Variants in CDH12 observed in about 807,000 individuals in gnomAD.
CDH12 encodes the protein cadherin-12.
A neutral mutation model predicts 74.1 loss-of-function variants in CDH12; 41 were observed. The observed-to-expected ratio is 0.55, with a 90% CI of 0.43 to 0.72. The LOEUF is 0.72. Ranked by LOEUF, CDH12 falls within the 30% of genes least tolerant of loss-of-function variation. The pLI, the probability that CDH12 is intolerant of heterozygous loss-of-function variation, is 0.00. For synonymous variants in CDH12, 399 were observed against 355.0 expected, an observed-to-expected ratio of 1.12 and a Z score of -1.39; for missense variants, 945 against 977.2, an observed-to-expected ratio of 0.97 and a Z score of 0.44.
intron 1 of CDH12, among the ~76,000 whole-genome samples, chr5:22,641,455 A>T (rs532362573): frequency 1.3e-5 from 2 of 152,144 alleles, no homozygotes; most frequent in South Asian, 2.1e-4. Context: ...TAGAGAGCAG[A>T]TCTTCCCCAC....
intron 6 of CDH12, chr5:21,884,197 C>G (rs945190611): frequency 1.3e-6 from 2 of 1,584,234 alleles, no homozygotes; most frequent in South Asian, 1.1e-5. Flanking sequence ...GCTGGTGTGG[C>G]CTCTCTGTTA....
At chr5:22,249,125 C>T (rs1054638309) in intron 3 of CDH12, among the ~76,000 whole-genome samples, 1 of 151,988 alleles carries the variant, frequency 6.6e-6, no homozygotes, top group African/African-American at 2.4e-5. Flanking sequence ...TGATTACACA[C>T]CAATATCCCT....
In CDH12 at chr5:21,827,380, A is replaced by G. The variant is rs536205996; in HGVS notation, c.815-10248T>C. Among the ~76,000 whole-genome samples, 4 of 152,212 alleles carry G rather than the reference A, an allele frequency of 2.6e-5. No homozygotes were observed. In the South Asian group the frequency reaches 6.2e-4, roughly 24 times the overall value. ...TTTCAGTGATTGGAGAGAAAACTCC[A>G]TGAAAACCTTTAAAAAAAAGGTCAT... On this transcript the variant is annotated intron_variant, in intron 8 of 14. Coordinates refer to ENST00000382254, the MANE Select transcript of CDH12 (RefSeq NM_004061.5).
intron 4 of CDH12, among the ~76,000 whole-genome samples, chr5:22,104,957 G>A (rs1744342373): frequency 6.6e-6 from 1 of 152,102 alleles, no homozygotes; most frequent in Non-Finnish European, 1.5e-5. Flanking sequence ...TGAGGGCTAT[G>A]AGAAAGAATC....
intron 5 of CDH12, among the ~76,000 whole-genome samples, chr5:22,041,464 A>C (rs897986121): frequency 8.5e-5 from 13 of 152,156 alleles, no homozygotes; most frequent in South Asian, 4.1e-4. Context: ...ATATAGGCAG[A>C]AAGTAAAGGA....
At chr5:21,832,902 A>T (rs57637391) in intron 8 of CDH12, among the ~76,000 whole-genome samples, 18 of 56,622 alleles carry the variant, frequency 3.2e-4, no homozygotes, top group South Asian at 2.6e-3. Flanking sequence ...ATATCATATA[A>T]TATATGATAT....
chr5:22,268,937 G>A (rs1302553299), intron 3 of CDH12, among the ~76,000 whole-genome samples: 1 of 152,062 alleles, frequency 6.6e-6, no homozygotes, highest in South Asian at 2.1e-4. Flanking sequence ...GTATTAGAAA[G>A]ATTGGTTAAT....
chr5:22,612,222 C>A (rs1377863993), intron 1 of CDH12, among the ~76,000 whole-genome samples: 5 of 152,018 alleles, frequency 3.3e-5, no homozygotes. Context: ...AGTGGAACCT[C>A]CATTAGTTTT....
At chr5:22,070,010 C>T (rs940347301) in intron 5 of CDH12, among the ~76,000 whole-genome samples, 4 of 152,116 alleles carry the variant, frequency 2.6e-5, no homozygotes, top group Non-Finnish European at 5.9e-5. Flanking sequence ...TAAATACAAG[C>T]TATGATACAT....
intron 1 of CDH12, among the ~76,000 whole-genome samples, chr5:22,569,967 C>A (rs921421273): frequency 6.6e-6 from 1 of 152,174 alleles, no homozygotes; most frequent in Non-Finnish European, 1.5e-5. Flanking sequence ...TTTTCAATTA[C>A]TATGCTGAGA....
At chr5:21,930,316 T>C (rs75243828) in intron 6 of CDH12, among the ~76,000 whole-genome samples, 3,110 of 152,284 alleles carry the variant, frequency 0.02, 83 homozygotes, top group African/African-American at 0.057. Context: ...CTAGTCATGA[T>C]TGTGGAGGAA....
At chr5:21,867,607 C>T (rs1454864457) in intron 6 of CDH12, among the ~76,000 whole-genome samples, 1 of 152,128 alleles carries the variant, frequency 6.6e-6, no homozygotes, top group Non-Finnish European at 1.5e-5. Flanking sequence ...GCCTGTAGCC[C>T]CTTTGTTTTG....
At chr5:22,249,856 C>G (rs1350660280) in intron 3 of CDH12, among the ~76,000 whole-genome samples, 1 of 103,594 alleles carries the variant, frequency 9.7e-6, no homozygotes, top group Non-Finnish European at 2.0e-5. Flanking sequence ...TGGATTATAC[C>G]TACAGATTAT....
At chr5:22,787,648 T>G (rs1747702937) in intron 1 of CDH12, among the ~76,000 whole-genome samples, 1 of 152,196 alleles carries the variant, frequency 6.6e-6, no homozygotes, top group Non-Finnish European at 1.5e-5. Flanking sequence ...ACATGTTTAT[T>G]ATTTCATACT....
intron 6 of CDH12, among the ~76,000 whole-genome samples, chr5:21,899,512 G>A (rs116131947): frequency 0.042 from 6,427 of 152,268 alleles, 183 homozygotes; most frequent in Non-Finnish European, 0.062. Flanking sequence ...AATCAAGGCT[G>A]TGGGCTCTTT....
chr5:22,768,780 AGG>A (rs1230091677), intron 1 of CDH12, among the ~76,000 whole-genome samples: 1 of 152,170 alleles, frequency 6.6e-6, no homozygotes, highest in Non-Finnish European at 1.5e-5. Flanking sequence ...AAAATTATCT[AGG>A]TATAAACTAA....
chr5:22,810,905 A>ATGTGTGTG (rs113641421), intron 1 of CDH12, among the ~76,000 whole-genome samples: 1 of 146,860 alleles, frequency 6.8e-6, no homozygotes, highest in African/African-American at 2.5e-5. Flanking sequence ...AAACAAATAT[A>ATGTGTGTG]TGTGTGTGTG....
chr5:22,729,748 CT>C (rs1561608026), intron 1 of CDH12, among the ~76,000 whole-genome samples: 1 of 151,872 alleles, frequency 6.6e-6, no homozygotes, highest in African/African-American at 2.4e-5. Context: ...GTAGTTTTCT[CT>C]TCTTGTCCAG....
intron 2 of CDH12, among the ~76,000 whole-genome samples, chr5:22,501,312 A>G (rs1388172404): frequency 1.3e-5 from 2 of 152,176 alleles, no homozygotes; most frequent in Non-Finnish European, 2.9e-5. Context: ...AGAAAATTAC[A>G]TAAAGGATAA....
Sources: gnomAD v4.1 joint callset for allele counts (sites outside exome capture counted in the v4.1 genomes callset) on GRCh38, gnomAD v4.1.1 for gene constraint, MANE v1.5 for transcripts, NCBI Gene and HGNC (gene_info 2026-07-23, HGNC 2026-07-21) for gene names.